The following CHODL variants were observed in gnomAD, a reference collection of about 807,000 sequenced individuals.
CHODL encodes chondrolectin.
Under a neutral mutation model 34.5 loss-of-function variants are expected in CHODL, and 29 were observed. The ratio of observed to expected loss-of-function variants is 0.84; its 90% CI spans 0.63 to 1.15. CHODL has a LOEUF of 1.15. Ranked by LOEUF, CHODL falls within the 50% of genes most tolerant of loss-of-function variation. CHODL has a pLI of 0.00. For synonymous variants in CHODL, 125 were observed against 116.1 expected (o/e 1.08, Z -0.49); for missense variants, 332 against 332.5 (o/e 1.00, Z 0.01).
At chr21:17,987,790 T>A (rs1296112653) in intron 1 of CHODL, among the ~76,000 whole-genome samples, 1 of 152,168 alleles carries the variant, frequency 6.6e-6, no homozygotes, top group Non-Finnish European at 1.5e-5. Flanking sequence ...ATCATTATAT[T>A]TCAGTCTCTT....
intron 2 of CHODL, among the ~76,000 whole-genome samples, chr21:18,199,691 G>A (rs2073630404): frequency 6.6e-6 from 1 of 152,034 alleles, no homozygotes; most frequent in African/African-American, 2.4e-5. Context: ...ATTACATAAT[G>A]TCATATAGTT....
chr21:18,058,631 AAAAAAGTTGAAC>A (rs1346720246), intron 2 of CHODL, among the ~76,000 whole-genome samples: 1 of 152,170 alleles, frequency 6.6e-6, no homozygotes, highest in Non-Finnish European at 1.5e-5. Context: ...TATGTGGGAG[AAAAAAGTTGAAC>A]TATTTGTGAA....
intron 1 of CHODL, among the ~76,000 whole-genome samples, chr21:18,014,546 T>A (rs528357818): frequency 5.2e-4 from 79 of 152,300 alleles, no homozygotes; most frequent in Middle Eastern, 3.4e-3. Context: ...TAATCCCCAG[T>A]GCTGGAAGTG....
intron 4 of CHODL, among the ~76,000 whole-genome samples, chr21:18,260,849 A>ACAAC (rs1468972708): frequency 7.5e-4 from 79 of 105,448 alleles, no homozygotes; most frequent in African/African-American, 4.0e-3. Flanking sequence ...AACAACAACA[A>ACAAC]AAAAACACCA....
chr21:18,073,760 C>T (rs578052833), intron 2 of CHODL, among the ~76,000 whole-genome samples: 2 of 152,018 alleles, frequency 1.3e-5, no homozygotes, highest in South Asian at 4.2e-4. Context: ...CAATCTCAGA[C>T]ACCTCAAAAT....
At chr21:18,191,442 T>G (rs1201873287) in intron 2 of CHODL, among the ~76,000 whole-genome samples, 1 of 152,192 alleles carries the variant, frequency 6.6e-6, no homozygotes, top group Non-Finnish European at 1.5e-5. Flanking sequence ...GGAAAATGTT[T>G]TGACCTCAAG....
intron 1 of CHODL, among the ~76,000 whole-genome samples, chr21:17,994,241 T>A (rs549660838): frequency 6.6e-6 from 1 of 152,324 alleles, no homozygotes; most frequent in South Asian, 2.1e-4. Context: ...TAGTTCTGTG[T>A]GAACCAGTCC....
intron 2 of CHODL, among the ~76,000 whole-genome samples, chr21:18,086,724 C>T (rs892679882): frequency 3.9e-5 from 6 of 152,112 alleles, no homozygotes; most frequent in Admixed American, 1.3e-4. Context: ...CTTTTGGCCC[C>T]AGTGGTGGAA....
intron 1 of CHODL, among the ~76,000 whole-genome samples, chr21:18,247,401 C>G (rs750117318): frequency 5.3e-5 from 8 of 151,912 alleles, no homozygotes; most frequent in Non-Finnish European, 8.8e-5. Context: ...AATCACTGAC[C>G]GCAGAAAAAT....
chr21:18,242,126 C>T (rs2074088516), upstream of CHODL, among the ~76,000 whole-genome samples: 1 of 152,074 alleles, frequency 6.6e-6, no homozygotes, highest in Non-Finnish European at 1.5e-5. Flanking sequence ...CCTCACATAA[C>T]CCTAAAGTCT....
upstream of CHODL, among the ~76,000 whole-genome samples, chr21:18,242,466 G>T (rs535451372): frequency 6.6e-6 from 1 of 150,586 alleles, no homozygotes; most frequent in South Asian, 2.1e-4. Context: ...CTTCCATCAG[G>T]GCTCTCCAAA....
intron 2 of CHODL, among the ~76,000 whole-genome samples, chr21:18,063,145 G>T (rs947459666): frequency 6.6e-6 from 1 of 152,152 alleles, no homozygotes; most frequent in African/African-American, 2.4e-5. Context: ...GATAGAGATT[G>T]TTTTCATAAT....
intron 2 of CHODL, among the ~76,000 whole-genome samples, chr21:18,201,553 T>G (rs1239771496): frequency 1.3e-5 from 2 of 152,034 alleles, no homozygotes; most frequent in Non-Finnish European, 2.9e-5. Flanking sequence ...CATAGAGACT[T>G]ATTTTGAAGG....
At chr21:18,069,995 T>TTCCCC (rs1568870065) in intron 2 of CHODL, among the ~76,000 whole-genome samples, 1 of 62,768 alleles carries the variant, frequency 1.6e-5, no homozygotes, top group Non-Finnish European at 4.2e-5. Context: ...TTCCCTTCCC[T>TTCCCC]TCCCTTCCCT....
At chr21:18,017,994 G>A (rs1345144608) in intron 1 of CHODL, among the ~76,000 whole-genome samples, 4 of 152,204 alleles carry the variant, frequency 2.6e-5, no homozygotes, top group Non-Finnish European at 5.9e-5. Context: ...GTGATTTAAT[G>A]GCTGCCCTGC....
At chr21:18,177,135 A>G (rs2073325497) in intron 2 of CHODL, among the ~76,000 whole-genome samples, 1 of 152,060 alleles carries the variant, frequency 6.6e-6, no homozygotes, top group Non-Finnish European at 1.5e-5. Flanking sequence ...AAAGTGTGAT[A>G]ATAATTATAC....
chr21:18,014,848 G>A (rs158062), intron 1 of CHODL, among the ~76,000 whole-genome samples: 4,467 of 152,190 alleles, frequency 0.029, 204 homozygotes, highest in African/African-American at 0.099. Flanking sequence ...TTTATAAATT[G>A]CCAAGGCTGA....
At chr21:18,138,436 C>T (rs564461227) in intron 2 of CHODL, among the ~76,000 whole-genome samples, 128 of 152,264 alleles carry the variant, frequency 8.4e-4, no homozygotes, top group Non-Finnish European at 1.5e-3. Context: ...CTACTCACCT[C>T]CTGTTTTCTG....
intron 2 of CHODL, among the ~76,000 whole-genome samples, chr21:18,151,489 G>A (rs1042015117): frequency 2.6e-5 from 4 of 152,154 alleles, no homozygotes; most frequent in African/African-American, 9.7e-5. Context: ...TGTATCCTTT[G>A]TAATATTCTT....
Sources: allele counts gnomAD v4.1 joint callset (sites outside exome capture counted in the v4.1 genomes callset), GRCh38; gene constraint gnomAD v4.1.1; transcripts MANE v1.5; gene names NCBI Gene and HGNC (gene_info 2026-07-23, HGNC 2026-07-21).